Variants in GZMH observed in about 807,000 individuals in gnomAD.
The protein encoded by GZMH is granzyme H, also known as cathepsin G-like 2, protein h-CCPX.
In GZMH, 24 loss-of-function variants were observed where a neutral mutation model predicts 20.7. That is an observed-to-expected ratio of 1.16 (90% CI 0.84 to 1.63). The LOEUF (loss-of-function observed/expected upper bound fraction) is 1.63. Among genes scored for constraint, GZMH ranks in the 40% most tolerant of loss-of-function variants. The pLI, the probability that GZMH is intolerant of heterozygous loss-of-function variation, is 0.00. For missense variants in GZMH, 344 were observed against 302.7 expected (o/e 1.14, Z -1.01); for synonymous variants, 119 against 116.1 (o/e 1.02, Z -0.16).
intron 2 of GZMH, 83 bp from the exon 3 acceptor site, chr14:24,607,830 G>T (rs2066882864): frequency 1.3e-6 from 2 of 1,596,458 alleles, no homozygotes; most frequent in Non-Finnish European, 1.7e-6. Flanking sequence ...GACAGCTGTG[G>T]CAGGGTAGGG....
intron 3 of GZMH, 40 bp from the exon 4 acceptor site, chr14:24,607,446 G>T: frequency 6.5e-7 from 1 of 1,541,780 alleles, no homozygotes; most frequent in Middle Eastern, 2.2e-4. Context: ...TCAGGCAATG[G>T]CCTTCTGGGC....
At chr14:24,609,510 G>A (rs1268365599) in intron 1 of GZMH, 49 bp downstream of exon 1, 2 of 1,287,600 alleles carry the variant, frequency 1.6e-6, no homozygotes, top group African/African-American at 1.5e-5. Context: ...TGGGTACAGG[G>A]TATCTTATAA....
intron 3 of GZMH, 49 bp from the exon 4 acceptor site, chr14:24,607,455 GC>G: frequency 6.4e-7 from 1 of 1,574,600 alleles, no homozygotes; most frequent in East Asian, 2.3e-5. Context: ...GGCCTTCTGG[GC>G]CCCGACACAG....
At position 24,607,305 on chromosome 14, in the gene GZMH, C is replaced by T. The variant is rs547859380; in HGVS notation, c.441G>A (p.Trp147Ter). 6.2e-7 allele frequency: 1 copy of T among 1,613,976 alleles called. No homozygotes were observed. Among genetic ancestry groups the T allele is most frequent in the East Asian group, 2.2e-5 (1 of 44,886 alleles). Reference sequence around the variant, plus strand: ...CTAAAGTGCTCATTGAGACATAACCCCAGCCAGCCACACTGCACAGCTGCC... The same window carrying T: ...CTAAAGTGCTCATTGAGACATAACCTCAGCCAGCCACACTGCACAGCTGCC... The part of the protein sequence containing the change: ...KPGQLCSVAG[W>*]GYVSMSTLAT... Residue 147 changes from tryptophan (W) to a stop codon, truncating the protein, a stop_gained, in exon 4 of 5, where the codon TGG (tryptophan) becomes TGA (stop). Coordinates refer to ENST00000216338, the MANE Select transcript of GZMH (RefSeq NM_033423.5). LOFTEE classifies it high-confidence loss of function.
At chr14:24,607,515 C>G (rs936631545) in intron 3 of GZMH, 97 bp downstream of exon 3, 1 of 1,603,208 alleles carries the variant, frequency 6.2e-7, no homozygotes, top group Non-Finnish European at 8.5e-7. Flanking sequence ...AGGAACTGAC[C>G]AAGAGGTCAG....
rs1348200643 is a variant in GZMH at position 24,607,379 on chromosome 14, CTG to C, written c.365_366del (p.Thr122SerfsTer9). On this transcript the variant is annotated frameshift_variant, in exon 4 of 5. Coordinates refer to ENST00000216338, the MANE Select transcript of GZMH (RefSeq NM_033423.5). LOFTEE classifies it high-confidence loss of function. ...LQLERKAKWT[T>X]AVRPLRLPSS... Reference sequence around the variant, plus strand: ...CTAGGTAGCCTGAGAGGCCGCACAGCTGTGGTCCACTTGGCCTTTCTCTCCAG... The same window carrying C: ...CTAGGTAGCCTGAGAGGCCGCACAGCTGGTCCACTTGGCCTTTCTCTCCAG... The C allele has an allele frequency of 6.2e-7, 1 of 1,602,696 alleles. No individual in the cohort carries two copies. Among genetic ancestry groups the C allele is most frequent in the South Asian group, 1.1e-5 (1 of 90,192 alleles).
intron 1 of GZMH, 111 bp downstream of exon 1, chr14:24,609,448 G>T: frequency 1.6e-6 from 1 of 621,636 alleles, no homozygotes; most frequent in Non-Finnish European, 2.8e-6. Context: ...ATAAGTCTGG[G>T]TGTGGAATGG....
intron 2 of GZMH, among the ~76,000 whole-genome samples, chr14:24,608,019 C>T (rs1160435313): frequency 2.0e-5 from 3 of 152,208 alleles, no homozygotes; most frequent in African/African-American, 4.8e-5. Flanking sequence ...ACCTTTACTA[C>T]TGCCTTATTG....
intron 1 of GZMH, 128 bp downstream of exon 1, chr14:24,609,431 C>T (rs557307985): frequency 1.7e-6 from 1 of 587,448 alleles, no homozygotes; most frequent in East Asian, 2.9e-5. Flanking sequence ...TATCTAGCCT[C>T]AGATTTATAA....
At chr14:24,607,062 A>G in intron 4 of GZMH, 87 bp downstream of exon 4, 1 of 1,370,344 alleles carries the variant, frequency 7.3e-7, no homozygotes, top group East Asian at 2.3e-5. Context: ...GGCTGAGAGC[A>G]TAAAGATCTG....
chr14:24,606,739 G>A lies in GZMH; in HGVS notation c.605C>T (p.Ser202Phe). The A allele has an allele frequency of 6.2e-7, 1 of 1,613,368 alleles. No homozygotes were observed. The highest frequency in any genetic ancestry group is 1.1e-5 in the South Asian group (1 of 91,028). The change falls in exon 5 of 5, where the codon TCC (serine) becomes TTC (phenylalanine). Residue 202 changes from serine (S) to phenylalanine (F), a missense_variant. Ser to Phe is a radical substitution (Grantham distance 155, BLOSUM62 -2). Coordinates refer to ENST00000216338, the MANE Select transcript of GZMH (RefSeq NM_033423.5). ...KKTQTGFKGDSGGPLVCKDVA... is the reference protein window; with the variant it reads ...KKTQTGFKGDFGGPLVCKDVA... The stretch of plus-strand genomic sequence containing the variant: ...GTCCTTACACACGAGGGGCCCCCCG[G>A]AGTCCCCCTGTGAACAGAGAGAGGA...
Position 24,609,627 on chromosome 14 carries a change from C to T in GZMH, c.-14G>A, listed in dbSNP as rs370291143. 1.0e-5 allele frequency: 16 copies of T among 1,607,628 alleles called. No individual in the cohort carries two copies. Among genetic ancestry groups the T allele is most frequent in the Non-Finnish European group, 1.4e-5 (16 of 1,175,942 alleles). On this transcript the variant is annotated 5_prime_UTR_variant, in exon 1 of 5. Transcript: ENST00000216338. ...GAATGGCTGCATTTTCTCAGGAAGG[C>T]TGCCCAGGTCAGAGCTGTTGGTGTT... is the stretch of plus-strand genomic sequence containing the variant.
At chr14:24,607,481 A>G in intron 3 of GZMH, 75 bp from the exon 4 acceptor site, 1 of 1,582,188 alleles carries the variant, frequency 6.3e-7, no homozygotes, top group South Asian at 1.2e-5. Context: ...GGGGCTGCAC[A>G]ATCTTCCCTC....
chr14:24,607,734 T>C lies in GZMH; in HGVS notation c.217A>G (p.Thr73Ala), dbSNP rs747848654. The C allele has an allele frequency of 4.3e-6, 7 of 1,613,714 alleles. No homozygotes were observed. In the Admixed American group the frequency reaches 1.0e-4, roughly 23 times the overall value. ...TCCTTGATATTGTGGGCCCCCAAGGTGACATTTATGGAGCTGCACAGAGAG... is the reference window on the plus strand; with the variant it reads ...TCCTTGATATTGTGGGCCCCCAAGGCGACATTTATGGAGCTGCACAGAGAG... ...AHCQGSSINV[T>A]LGAHNIKEQE... Residue 73 changes from threonine (T) to alanine (A), a missense_variant, in exon 3 of 5, where the codon ACC (threonine) becomes GCC (alanine). Transcript: ENST00000216338.
chr14:24,608,323 ACCTCT>A lies in GZMH; in HGVS notation c.140_144del (p.Lys47MetfsTer53). The A allele has an allele frequency of 1.2e-6, 2 of 1,614,082 alleles. No homozygotes were observed. On this transcript the variant is annotated frameshift_variant, in exon 2 of 5. Coordinates refer to ENST00000216338, the MANE Select transcript of GZMH (RefSeq NM_033423.5). LOFTEE classifies it high-confidence loss of function. The stretch of plus-strand genomic sequence containing the variant: ...TCCTTTCTCACTAGGATGCCGCCAC[ACCTCT>A]TCCGACTCTTCTCTTGCAGAAACTG...
chr14:24,607,420 A>T lies in GZMH; in HGVS notation c.340-14T>A, dbSNP rs778968541. ...CTTTCTCTCCAGCTGGTGGGGAAGA[A>T]GCAAGAAAGTCCAGGTCAGGCAATG... On this transcript the variant is annotated splice_polypyrimidine_tract_variant and intron_variant, in intron 3 of 4. Transcript: ENST00000216338. 8 of 1,584,156 alleles carry T rather than the reference A, an allele frequency of 5.1e-6. No homozygotes were observed.
At position 24,606,584 on chromosome 14, in the gene GZMH, G is replaced by T; in HGVS notation, c.*19C>A. The stretch of plus-strand genomic sequence containing the variant: ...CAGAGATGGTCAGGCCCAGAGGAAG[G>T]TTAGTCTCATGCCTGCTGTTAGAGG... On this transcript the variant is annotated 3_prime_UTR_variant, in exon 5 of 5. Transcript: ENST00000216338. The T allele has an allele frequency of 6.2e-7, 1 of 1,609,632 alleles. No individual in the cohort carries two copies. Among genetic ancestry groups the T allele is most frequent in the Non-Finnish European group, 8.5e-7 (1 of 1,178,226 alleles).
chr14:24,607,840 G>A lies in GZMH; in HGVS notation c.204-93C>T. On this transcript the variant is annotated intron_variant, in intron 2 of 4. Coordinates refer to ENST00000216338, the MANE Select transcript of GZMH (RefSeq NM_033423.5). ...CAGATGACAGCTGTGGCAGGGTAGG[G>A]CTGCAGCTGAGGGGAAGTTGAAGGG... 11 of 1,583,858 alleles carry A rather than the reference G, an allele frequency of 6.9e-6. 1 individual carries two copies. Among genetic ancestry groups the A allele is most frequent in the South Asian group, 6.8e-5 (6 of 88,198 alleles).
At chr14:24,607,772 G>C (rs1257974202) in intron 2 of GZMH, 25 bp from the exon 3 acceptor site, 1 of 1,613,990 alleles carries the variant, frequency 6.2e-7, no homozygotes, top group African/African-American at 1.3e-5. Context: ...GAGTGAGGAT[G>C]GGGGTGGAGT....
Sources: allele counts gnomAD v4.1 joint callset (sites outside exome capture counted in the v4.1 genomes callset), GRCh38; gene constraint gnomAD v4.1.1; transcripts MANE v1.5; gene names NCBI Gene and HGNC (gene_info 2026-07-23, HGNC 2026-07-21).